PACRG: variants seen among roughly 807,000 people sequenced by gnomAD.
PACRG encodes the protein parkin coregulated.
In PACRG, 29 loss-of-function variants were observed where a neutral mutation model predicts 29.7. The ratio of observed to expected loss-of-function variants is 0.98; its 90% CI spans 0.73 to 1.33. The LOEUF is 1.33. PACRG is among the 40% of genes most tolerant of loss of function. PACRG has a pLI of 0.00. For missense variants in PACRG, 279 were observed against 316.2 expected, an observed-to-expected ratio of 0.88 and a Z score of 0.89; for synonymous variants, 116 against 118.7, an observed-to-expected ratio of 0.98 and a Z score of 0.15.
chr6:162,936,107 A>C lies in PACRG; in HGVS notation c.291+121826A>C, dbSNP rs1473211571. On this transcript the variant is annotated intron_variant, in intron 2 of 4. Transcript: ENST00000366888. ...TTCTTACATGACAGCTGCAAGAGAG[A>C]GAATGAGAGTCAAGCTAAAGGGGTT... 5.3e-5 allele frequency among the ~76,000 whole-genome samples: 8 copies of C among 152,280 alleles called. No individual in the cohort carries two copies. In the East Asian group the frequency reaches 5.8e-4, roughly 11 times the overall value.
At chr6:163,304,638 G>T (rs529145669) in intron 4 of PACRG, among the ~76,000 whole-genome samples, 1 of 152,330 alleles carries the variant, frequency 6.6e-6, no homozygotes, top group South Asian at 2.1e-4. Context: ...CAAAGAGGGA[G>T]TAACATTAGC....
At chr6:163,218,298 C>T (rs1781443467) in intron 4 of PACRG, among the ~76,000 whole-genome samples, 1 of 152,178 alleles carries the variant, frequency 6.6e-6, no homozygotes, top group Non-Finnish European at 1.5e-5. Flanking sequence ...TGAATTCTGG[C>T]TGTACTGAAT....
intron 2 of PACRG, among the ~76,000 whole-genome samples, chr6:162,838,160 G>C (rs1584499126): frequency 6.6e-6 from 1 of 152,086 alleles, no homozygotes; most frequent in Admixed American, 6.5e-5. Flanking sequence ...TATTTTTTCA[G>C]GTATAGGAGT....
chr6:163,151,114 A>C (rs1218418448), intron 4 of PACRG, among the ~76,000 whole-genome samples: 1 of 152,224 alleles, frequency 6.6e-6, no homozygotes, highest in Non-Finnish European at 1.5e-5. Context: ...CTTTGCTTTA[A>C]CATGACTGCA....
intron 4 of PACRG, among the ~76,000 whole-genome samples, chr6:163,224,531 A>G (rs1213845529): frequency 1.3e-5 from 2 of 152,148 alleles, no homozygotes; most frequent in African/African-American, 4.8e-5. Context: ...AAATAAATCC[A>G]CACATTTATA....
chr6:163,239,858 A>C (rs1782406472), intron 4 of PACRG, among the ~76,000 whole-genome samples: 1 of 125,534 alleles, frequency 8.0e-6, no homozygotes, highest in African/African-American at 3.1e-5. Context: ...ACACTCTCAC[A>C]CTCCCACCCC....
intron 4 of PACRG, among the ~76,000 whole-genome samples, chr6:163,180,894 C>T (rs1023442096): frequency 9.2e-5 from 14 of 152,172 alleles, no homozygotes; most frequent in Non-Finnish European, 1.8e-4. Context: ...TGTGTTTCAC[C>T]CGCTTGGCGT....
At chr6:163,069,673 C>T (rs1811866650) in intron 3 of PACRG, among the ~76,000 whole-genome samples, 1 of 151,828 alleles carries the variant, frequency 6.6e-6, no homozygotes, top group South Asian at 2.1e-4. Flanking sequence ...TAGAAAATAG[C>T]CCCAAAGCGG....
At chr6:163,232,616 T>A (rs796383836) in intron 4 of PACRG, among the ~76,000 whole-genome samples, 6 of 152,156 alleles carry the variant, frequency 3.9e-5, no homozygotes, top group African/African-American at 1.4e-4. Flanking sequence ...AACACACTTA[T>A]ACTTTGAGGG....
intron 2 of PACRG, among the ~76,000 whole-genome samples, chr6:162,891,755 C>G (rs1794776549): frequency 6.6e-6 from 1 of 152,090 alleles, no homozygotes; most frequent in Non-Finnish European, 1.5e-5. Flanking sequence ...ATGCATGGAA[C>G]CATGTGGGTC....
At chr6:163,281,384 C>T (rs1784222717) in intron 4 of PACRG, among the ~76,000 whole-genome samples, 1 of 152,116 alleles carries the variant, frequency 6.6e-6, no homozygotes, top group African/African-American at 2.4e-5. Context: ...AAGGTATCTG[C>T]ATGGGATGGA....
chr6:163,232,853 C>T (rs939105221), intron 4 of PACRG, among the ~76,000 whole-genome samples: 5 of 152,150 alleles, frequency 3.3e-5, no homozygotes, highest in African/African-American at 1.2e-4. Flanking sequence ...AGGCCCTGGC[C>T]CTGCACAGCC....
chr6:163,042,652 T>G (rs1054052633), intron 2 of PACRG: 8 of 151,362 alleles, frequency 5.3e-5, no homozygotes, highest in African/African-American at 1.9e-4. Flanking sequence ...GTCATTTGTA[T>G]ACAATCTAAA....
At chr6:162,851,993 GA>G (rs1444117566) in intron 2 of PACRG, among the ~76,000 whole-genome samples, 1 of 100,002 alleles carries the variant, frequency 1.0e-5, no homozygotes, top group Non-Finnish European at 1.9e-5. Flanking sequence ...AAAAGGGAGG[GA>G]GGGAGGGAGG....
chr6:162,918,365 T>A (rs886437360), intron 2 of PACRG, among the ~76,000 whole-genome samples: 4 of 152,228 alleles, frequency 2.6e-5, no homozygotes, highest in African/African-American at 9.6e-5. Flanking sequence ...CAATTTATAA[T>A]GATATACTGA....
At chr6:163,160,543 A>G (rs1447985456) in intron 4 of PACRG, among the ~76,000 whole-genome samples, 1 of 152,216 alleles carries the variant, frequency 6.6e-6, no homozygotes, top group Non-Finnish European at 1.5e-5. Context: ...AACTCATGAA[A>G]ATATATTGAT....
At chr6:162,760,201 G>A (rs1019816555) in intron 1 of PACRG, among the ~76,000 whole-genome samples, 2 of 151,226 alleles carry the variant, frequency 1.3e-5, no homozygotes, top group East Asian at 1.9e-4. Context: ...TGCTAAGCAC[G>A]ATCCTTCAGA....
intron 2 of PACRG, among the ~76,000 whole-genome samples, chr6:162,905,314 G>A (rs188171640): frequency 6.6e-6 from 1 of 152,278 alleles, no homozygotes; most frequent in Admixed American, 6.5e-5. Context: ...AGTGGGAAGG[G>A]AACTGAAGAT....
intron 1 of PACRG, among the ~76,000 whole-genome samples, chr6:162,769,084 C>T (rs954783347): frequency 6.6e-6 from 1 of 152,114 alleles, no homozygotes; most frequent in African/African-American, 2.4e-5. Flanking sequence ...GAGGCAGCTT[C>T]CTGGAAGAGG....
Sources: gnomAD v4.1 joint callset for allele counts (sites outside exome capture counted in the v4.1 genomes callset) on GRCh38, gnomAD v4.1.1 for gene constraint, MANE v1.5 for transcripts, NCBI Gene and HGNC (gene_info 2026-07-23, HGNC 2026-07-21) for gene names.